NET1: variants seen among roughly 807,000 people sequenced by gnomAD.
The protein encoded by NET1 is neuroepithelial cell-transforming gene 1 protein.
Under a neutral mutation model 61.1 loss-of-function variants are expected in NET1, and 42 were observed. The ratio of observed to expected loss-of-function variants is 0.69; its 90% confidence interval spans 0.54 to 0.89. The LOEUF (loss-of-function observed/expected upper bound fraction) is 0.89. Ranked by LOEUF, NET1 falls within the 40% of genes least tolerant of loss-of-function variation. The pLI is 0.00. For synonymous variants in NET1, 254 were observed against 281.8 expected (o/e 0.90, Z 0.99); for missense variants, 654 against 747.3 (o/e 0.88, Z 1.46).
In NET1 at chr10:5,420,510, A is replaced by G. The variant is rs919845734; in HGVS notation, c.129-6145A>G. Among the ~76,000 whole-genome samples, 6 of 152,204 alleles carry G rather than the reference A, an allele frequency of 3.9e-5. No homozygotes were observed. Among genetic ancestry groups the G allele is most frequent in the Non-Finnish European group, 7.3e-5 (5 of 68,040 alleles). On this transcript the variant is annotated intron_variant, in intron 1 of 11. Transcript: ENST00000355029. The surrounding 1 kb of genome is among the most constrained non-coding windows in gnomAD (Gnocchi z 5.3). ...CAGCAGTTATGTTTTCTATGTAGAT[A>G]TTCCCTACAATATGACAGGCCTCTT...
rs146201394 is a variant in NET1 at position 5,444,182 on chromosome 10, A to G, written c.256-7648A>G. Among the ~76,000 whole-genome samples, 31 of 152,344 alleles carry G rather than the reference A, an allele frequency of 2.0e-4. No individual in the cohort carries two copies. The East Asian group carries it at 5.6e-3, about 27-fold the overall frequency. ...GTCATCCACTCTTAAGGCCAACCAC[A>G]TCACACATACTGCCCAGGACAGACT... On this transcript the variant is annotated intron_variant, in intron 3 of 11. Transcript: ENST00000355029. The surrounding 1 kb of genome is among the most constrained non-coding windows in gnomAD (Gnocchi z 5.3).
rs1045569531 is a variant in NET1 at position 5,422,070 on chromosome 10, C to T, written c.129-4585C>T. 2.3e-4 allele frequency among the ~76,000 whole-genome samples: 35 copies of T among 152,058 alleles called. No individual in the cohort carries two copies. Among genetic ancestry groups the T allele is most frequent in the African/African-American group, 7.2e-4 (30 of 41,388 alleles). On this transcript the variant is annotated intron_variant, in intron 1 of 11. Transcript: ENST00000355029. The surrounding 1 kb of genome is among the most constrained non-coding windows in gnomAD (Gnocchi z 4.1). ...TGTAAGTCTTAGTGTAGGCTGGGCG[C>T]GGTGGCTCACGCCTATAATCCCAGC... is the stretch of plus-strand genomic sequence containing the variant.
At position 5,437,147 on chromosome 10, in the gene NET1, G is replaced by GT. The variant is rs201742449; in HGVS notation, c.255+7925dup. Among the ~76,000 whole-genome samples the GT allele has an allele frequency of 0.011, 1,611 of 152,006 alleles. 19 individuals are homozygous for GT. The highest frequency in any genetic ancestry group is 0.016 in the Non-Finnish European group (1,055 of 67,954). On this transcript the variant is annotated intron_variant, in intron 3 of 11. Coordinates refer to ENST00000355029, the MANE Select transcript of NET1 (RefSeq NM_001047160.3). The surrounding 1 kb of genome is among the most constrained non-coding windows in gnomAD (Gnocchi z 4.3). ...ATTGTTCTGGCAAAAAATTGAAACCGTTTTTTTAAAGACCTCTTTTACTGC... is the reference window on the plus strand; with the variant it reads ...ATTGTTCTGGCAAAAAATTGAAACCGTTTTTTTTAAAGACCTCTTTTACTGC...
At position 5,453,499 on chromosome 10, in the gene NET1, TAGG is replaced by T. The variant is rs758590375; in HGVS notation, c.710_712del (p.Gly237del). 3.1e-6 allele frequency: 5 copies of T among 1,614,068 alleles called. No individual in the cohort carries two copies. Among genetic ancestry groups the T allele is most frequent in the Non-Finnish European group, 4.2e-6 (5 of 1,180,036 alleles). ...ATCACTTCAGATTTGTTGACAAGAA[TAGG>T]AGAAGCAACCAAGCCTGATGGAACA... On this transcript the variant is annotated inframe_deletion, in exon 8 of 12. Coordinates refer to ENST00000355029, the MANE Select transcript of NET1 (RefSeq NM_001047160.3). This position sits in a 1 kb window ranked among gnomAD's most constrained non-coding sequence, Gnocchi z 4.9.
In NET1 at chr10:5,426,430, A is replaced by G. The variant is rs1355892723; in HGVS notation, c.129-225A>G. ...AAAATAATCTGTTCACTAATTTTAT[A>G]TAGGCCTTTTCACTCTAAAGATGCT... is the stretch of plus-strand genomic sequence containing the variant. On this transcript the variant is annotated intron_variant, in intron 1 of 11. Coordinates refer to ENST00000355029, the MANE Select transcript of NET1 (RefSeq NM_001047160.3). The surrounding 1 kb of genome is among the most constrained non-coding windows in gnomAD (Gnocchi z 4.6). Among the ~76,000 whole-genome samples, 3 of 152,190 alleles carry G rather than the reference A, an allele frequency of 2.0e-5. No individual in the cohort carries two copies. The highest frequency in any genetic ancestry group is 2.9e-5 in the Non-Finnish European group (2 of 68,024).
chr10:5,455,889 T>A lies in NET1; in HGVS notation c.1198-198T>A, dbSNP rs888079643. Among the ~76,000 whole-genome samples the A allele has an allele frequency of 2.0e-5, 3 of 152,242 alleles. No individual in the cohort carries two copies. The highest frequency in any genetic ancestry group is 7.2e-5 in the African/African-American group (3 of 41,462). On this transcript the variant is annotated intron_variant, in intron 10 of 11. Transcript: ENST00000355029. The surrounding 1 kb of genome is among the most constrained non-coding windows in gnomAD (Gnocchi z 6.5). ...CCAATAAGAAACATTTTATTTATTC[T>A]GAGATTGGAAAAACTTTCCAAATAG... is the stretch of plus-strand genomic sequence containing the variant.
Position 5,426,464 on chromosome 10 carries a change from C to T in NET1, c.129-191C>T, listed in dbSNP as rs1832259129. Among the ~76,000 whole-genome samples the T allele has an allele frequency of 6.6e-6, 1 of 152,086 alleles. No individual in the cohort carries two copies. The highest frequency in any genetic ancestry group is 1.5e-5 in the Non-Finnish European group (1 of 67,994). The stretch of plus-strand genomic sequence containing the variant: ...TTCACTCTAAAGATGCTGAGAATGA[C>T]CAAAACCTATACCCTGTTTGTTTGT... On this transcript the variant is annotated intron_variant, in intron 1 of 11. Coordinates refer to ENST00000355029, the MANE Select transcript of NET1 (RefSeq NM_001047160.3). The surrounding 1 kb of genome is among the most constrained non-coding windows in gnomAD (Gnocchi z 4.6).
Position 5,422,095 on chromosome 10 carries a change from C to A in NET1, c.129-4560C>A, listed in dbSNP as rs1832183012. Among the ~76,000 whole-genome samples, 1 of 152,216 alleles carries A rather than the reference C, an allele frequency of 6.6e-6. No homozygotes were observed. ...CGGTGGCTCACGCCTATAATCCCAG[C>A]ACTTTGGGAGGCCGAGGCGGGTGGA... On this transcript the variant is annotated intron_variant, in intron 1 of 11. Coordinates refer to ENST00000355029, the MANE Select transcript of NET1 (RefSeq NM_001047160.3). The surrounding 1 kb of genome is among the most constrained non-coding windows in gnomAD (Gnocchi z 4.1).
At chr10:5,428,799 T>C (rs1424827418) in intron 2 of NET1, among the ~76,000 whole-genome samples, 2 of 151,440 alleles carry the variant, frequency 1.3e-5, no homozygotes, top group Non-Finnish European at 2.9e-5. Flanking sequence ...CTCGGCTCAC[T>C]GCAGCCTCTG....
chr10:5,441,621 T>C lies in NET1; in HGVS notation c.256-10209T>C, dbSNP rs1832526237. On this transcript the variant is annotated intron_variant, in intron 3 of 11. Transcript: ENST00000355029. This position sits in a 1 kb window ranked among gnomAD's most constrained non-coding sequence, Gnocchi z 4.6. ...TGTTGTCATCGCACAAAAGAACCAT[T>C]GTTTTGACAATACCAAACTTATTAG... 6.6e-6 allele frequency among the ~76,000 whole-genome samples: 1 copy of C among 152,240 alleles called. No homozygotes were observed.
chr10:5,450,484 G>A (rs979234111), intron 3 of NET1, among the ~76,000 whole-genome samples: 1 of 151,764 alleles, frequency 6.6e-6, no homozygotes, highest in Non-Finnish European at 1.5e-5. Context: ...GTCTTCAGTT[G>A]TTTAAAGGCA....
In NET1 at chr10:5,443,679, T is replaced by C. The variant is rs781249534; in HGVS notation, c.256-8151T>C. On this transcript the variant is annotated intron_variant, in intron 3 of 11. Coordinates refer to ENST00000355029, the MANE Select transcript of NET1 (RefSeq NM_001047160.3). This position sits in a 1 kb window ranked among gnomAD's most constrained non-coding sequence, Gnocchi z 4.8. ...AATGAAACTAAGATTTTAGTGTTGG[T>C]GAGCTGGGGCTTTTGTGAACATGGC... is the stretch of plus-strand genomic sequence containing the variant. Among the ~76,000 whole-genome samples the C allele has an allele frequency of 2.0e-5, 3 of 152,228 alleles. No individual in the cohort carries two copies. Among genetic ancestry groups the C allele is most frequent in the Non-Finnish European group, 4.4e-5 (3 of 68,042 alleles).
Position 5,444,258 on chromosome 10 carries a change from A to G in NET1, c.256-7572A>G, listed in dbSNP as rs1832570174. ...GAGCCAATCTCCATTACTTTAAAAAATAAACTCAAAGCAGAAAGATGAATT... is the reference window on the plus strand; with the variant it reads ...GAGCCAATCTCCATTACTTTAAAAAGTAAACTCAAAGCAGAAAGATGAATT... On this transcript the variant is annotated intron_variant, in intron 3 of 11. Coordinates refer to ENST00000355029, the MANE Select transcript of NET1 (RefSeq NM_001047160.3). The surrounding 1 kb of genome is among the most constrained non-coding windows in gnomAD (Gnocchi z 5.3). Among the ~76,000 whole-genome samples the G allele has an allele frequency of 6.6e-6, 1 of 152,256 alleles. No homozygotes were observed. The highest frequency in any genetic ancestry group is 1.5e-5 in the Non-Finnish European group (1 of 68,050).
Position 5,416,085 on chromosome 10 carries a change from C to T in NET1, c.128+3265C>T, listed in dbSNP as rs1048391587. On this transcript the variant is annotated intron_variant, in intron 1 of 11. Transcript: ENST00000355029. The surrounding 1 kb of genome is among the most constrained non-coding windows in gnomAD (Gnocchi z 6.1). ...AGTTTTTGTATATAATGTGAGATGA[C>T]GGTCCAACTTAATTCTTTTTCATGT... is the stretch of plus-strand genomic sequence containing the variant. 1.3e-5 allele frequency among the ~76,000 whole-genome samples: 2 copies of T among 152,148 alleles called. No individual in the cohort carries two copies. Among genetic ancestry groups the T allele is most frequent in the Non-Finnish European group, 2.9e-5 (2 of 68,028 alleles).
At position 5,443,959 on chromosome 10, in the gene NET1, C is replaced by T. The variant is rs565538758; in HGVS notation, c.256-7871C>T. On this transcript the variant is annotated intron_variant, in intron 3 of 11. Coordinates refer to ENST00000355029, the MANE Select transcript of NET1 (RefSeq NM_001047160.3). The surrounding 1 kb of genome is among the most constrained non-coding windows in gnomAD (Gnocchi z 4.8). ...TTTATTCCCTTAGAAACTATGTGGCCGTAAAGTATTGGCCTTACTTACGCC... is the reference window on the plus strand; with the variant it reads ...TTTATTCCCTTAGAAACTATGTGGCTGTAAAGTATTGGCCTTACTTACGCC... Among the ~76,000 whole-genome samples, 18 of 152,252 alleles carry T rather than the reference C, an allele frequency of 1.2e-4. No homozygotes were observed. The highest frequency in any genetic ancestry group is 8.3e-4 in the South Asian group (4 of 4,822).
rs959926682 is a variant in NET1 at position 5,417,975 on chromosome 10, A to G, written c.128+5155A>G. 3.9e-5 allele frequency among the ~76,000 whole-genome samples: 6 copies of G among 152,130 alleles called. No homozygotes were observed. Among genetic ancestry groups the G allele is most frequent in the African/African-American group, 1.4e-4 (6 of 41,442 alleles). On this transcript the variant is annotated intron_variant, in intron 1 of 11. Transcript: ENST00000355029. This position sits in a 1 kb window ranked among gnomAD's most constrained non-coding sequence, Gnocchi z 5.5. ...CATTAATTGATTTTTTGGGATGTTA[A>G]ACCAACTTTGCCTTCCTGGTATAAG...
In NET1 at chr10:5,422,784, T is replaced by C. The variant is rs1394292590; in HGVS notation, c.129-3871T>C. Among the ~76,000 whole-genome samples the C allele has an allele frequency of 1.3e-5, 2 of 152,206 alleles. No individual in the cohort carries two copies. Among genetic ancestry groups the C allele is most frequent in the Non-Finnish European group, 2.9e-5 (2 of 68,022 alleles). ...AGTGGAAGAAGAGACAACTCCTTAA[T>C]AGCAAAGATGCTGAACAGCCAAAAC... On this transcript the variant is annotated intron_variant, in intron 1 of 11. Coordinates refer to ENST00000355029, the MANE Select transcript of NET1 (RefSeq NM_001047160.3). The surrounding 1 kb of genome is among the most constrained non-coding windows in gnomAD (Gnocchi z 4.1).
At position 5,454,611 on chromosome 10, in the gene NET1, A is replaced by C; in HGVS notation, c.1026+89A>C. 1 of 1,430,420 alleles carries C rather than the reference A, an allele frequency of 7.0e-7. No individual in the cohort carries two copies. Among genetic ancestry groups the C allele is most frequent in the Non-Finnish European group, 9.5e-7 (1 of 1,053,560 alleles). The allele number at this position is 1,430,420 out of a possible 1,614,324, so 88.6% of individuals were successfully genotyped here. The stretch of plus-strand genomic sequence containing the variant: ...TTATCTTCTGAAGATGCTGATTCAC[A>C]TCAGCATAGTGAATTGTTTTGTTGT... On this transcript the variant is annotated intron_variant, in intron 9 of 11. Transcript: ENST00000355029. This position sits in a 1 kb window ranked among gnomAD's most constrained non-coding sequence, Gnocchi z 8.1.
rs1554815549 is a variant in NET1, at chr10:5,412,848, C to T, written c.128+28C>T. 1 of 1,071,436 alleles carries T rather than the reference C, an allele frequency of 9.3e-7. No individual in the cohort carries two copies. The highest frequency in any genetic ancestry group is 1.1e-6 in the Non-Finnish European group (1 of 873,594). 66.4% of individuals were successfully genotyped at this position (1,071,436 alleles called of 1,614,324 possible). On this transcript the variant is annotated intron_variant, in intron 1 of 11. Coordinates refer to ENST00000355029, the MANE Select transcript of NET1 (RefSeq NM_001047160.3). This position sits in a 1 kb window ranked among gnomAD's most constrained non-coding sequence, Gnocchi z 6.5. ...GAGTGTGGGGGAGGGGAGGGCCGAA[C>T]GGGAGGTGAGTGTAGGGGAGCGGAG...
Sources: allele counts gnomAD v4.1 joint callset (sites outside exome capture counted in the v4.1 genomes callset), GRCh38; gene constraint gnomAD v4.1.1; non-coding constraint Gnocchi (gnomAD v3.1); transcripts MANE v1.5; gene names NCBI Gene and HGNC (gene_info 2026-07-23, HGNC 2026-07-21).